The following GPC5 variants were observed in gnomAD, a reference collection of about 807,000 sequenced individuals.
The protein encoded by GPC5 is glypican 5.
In GPC5, 47 loss-of-function variants were observed where a neutral mutation model predicts 53.9. The ratio of observed to expected loss-of-function variants is 0.87; its 90% CI spans 0.69 to 1.11. GPC5 has a LOEUF of 1.11. GPC5 is among the 50% of genes most tolerant of loss of function. GPC5 has a pLI of 0.00. For synonymous variants in GPC5, 286 were observed against 263.3 expected (o/e 1.09, Z -0.84); for missense variants, 748 against 713.1 (o/e 1.05, Z -0.56).
intron 2 of GPC5, among the ~76,000 whole-genome samples, chr13:91,563,046 G>A (rs376243728): frequency 2.0e-5 from 3 of 151,672 alleles, no homozygotes; most frequent in South Asian, 2.1e-4. Flanking sequence ...TTATGCTTAG[G>A]TTTATTACTA....
chr13:91,843,058 T>C (rs1055765521), intron 5 of GPC5, among the ~76,000 whole-genome samples: 1 of 152,198 alleles, frequency 6.6e-6, no homozygotes, highest in African/African-American at 2.4e-5. Context: ...TTGAATAATC[T>C]GCCATAGCCA....
intron 7 of GPC5, among the ~76,000 whole-genome samples, chr13:92,621,259 AACCCACCCCTGATGGT>A (rs899197747): frequency 1.2e-4 from 18 of 152,100 alleles, no homozygotes; most frequent in African/African-American, 3.9e-4. Context: ...GGTCCTGGGA[AACCCACCCCTGATGGT>A]ACCCACCACA....
chr13:91,501,501 T>A (rs1423761365), intron 2 of GPC5, among the ~76,000 whole-genome samples: 1 of 152,078 alleles, frequency 6.6e-6, no homozygotes, highest in Non-Finnish European at 1.5e-5. Context: ...TGGTGTTTGG[T>A]TTTTTGTCCT....
rs1594744326 is a variant in GPC5, at chr13:92,051,460, A to G, written c.1402-93370A>G. 2.6e-5 allele frequency among the ~76,000 whole-genome samples: 4 copies of G among 152,160 alleles called. No homozygotes were observed. The East Asian group carries it at 7.8e-4, about 30-fold the overall frequency. On this transcript the variant is annotated intron_variant, in intron 6 of 7. Coordinates refer to ENST00000377067, the MANE Select transcript of GPC5 (RefSeq NM_004466.6). ...TGTGATCCATCTGCCTCAGCCTCCC[A>G]AAGTGCCGGGATTACAGGCATGAGC...
chr13:92,509,029 T>C (rs1424845194), intron 7 of GPC5, among the ~76,000 whole-genome samples: 1 of 152,128 alleles, frequency 6.6e-6, no homozygotes, highest in Admixed American at 6.5e-5. Flanking sequence ...GATAACATCC[T>C]AAAAAGAATG....
chr13:92,574,341 G>A (rs1883126924), intron 7 of GPC5, among the ~76,000 whole-genome samples: 1 of 152,012 alleles, frequency 6.6e-6, no homozygotes. Context: ...CCTATTTCTT[G>A]GACAGGGAAA....
chr13:91,657,669 T>C (rs1190059607), intron 2 of GPC5, among the ~76,000 whole-genome samples: 3 of 152,144 alleles, frequency 2.0e-5, no homozygotes, highest in East Asian at 1.9e-4. Flanking sequence ...AGTTTGGACA[T>C]TTTCAATTTG....
At chr13:92,206,120 ATTG>A (rs1280476081) in intron 7 of GPC5, among the ~76,000 whole-genome samples, 21 of 141,034 alleles carry the variant, frequency 1.5e-4, no homozygotes, top group Middle Eastern at 7.4e-3. Flanking sequence ...TGTTGTTGTT[ATTG>A]TTGTTGTTGT....
chr13:92,339,695 A>C (rs941317341), intron 7 of GPC5: 3 of 152,124 alleles, frequency 2.0e-5, no homozygotes, highest in African/African-American at 7.2e-5. Flanking sequence ...TACCAAAACC[A>C]CTGCAAATGC....
intron 7 of GPC5, among the ~76,000 whole-genome samples, chr13:92,359,542 T>C (rs1271888426): frequency 6.6e-6 from 1 of 151,660 alleles, no homozygotes; most frequent in East Asian, 1.9e-4. Context: ...CTGTATTACT[T>C]CATTATCGCA....
chr13:92,785,104 T>C (rs1876169261), intron 7 of GPC5, among the ~76,000 whole-genome samples: 1 of 151,974 alleles, frequency 6.6e-6, no homozygotes, highest in South Asian at 2.1e-4. Flanking sequence ...GATGAAACCC[T>C]GTCTCTACTT....
At chr13:92,440,150 A>G (rs538313361) in intron 7 of GPC5, among the ~76,000 whole-genome samples, 1 of 152,254 alleles carries the variant, frequency 6.6e-6, no homozygotes, top group South Asian at 2.1e-4. Flanking sequence ...GGTGCATTAC[A>G]TAAGTATATT....
chr13:91,984,073 A>G (rs1052144092), intron 6 of GPC5, among the ~76,000 whole-genome samples: 3 of 151,970 alleles, frequency 2.0e-5, no homozygotes, highest in East Asian at 3.9e-4. Flanking sequence ...CCCGAACAAC[A>G]TATTTGTCAA....
At chr13:91,445,634 C>T (rs1482982243) in intron 1 of GPC5, among the ~76,000 whole-genome samples, 1 of 152,118 alleles carries the variant, frequency 6.6e-6, no homozygotes, top group East Asian at 1.9e-4. Context: ...GCCACCATGC[C>T]CAGCTAATTT....
intron 2 of GPC5, among the ~76,000 whole-genome samples, chr13:91,628,500 G>GTCTGTCTGTCTA (rs1555331791): frequency 3.3e-3 from 495 of 151,492 alleles, no homozygotes; most frequent in African/African-American, 0.01. Flanking sequence ...CTGTCTGTCT[G>GTCTGTCTGTCTA]TCTATCTCTC....
chr13:91,647,300 G>C (rs73609951), intron 2 of GPC5, among the ~76,000 whole-genome samples: 1 of 152,142 alleles, frequency 6.6e-6, no homozygotes, highest in Non-Finnish European at 1.5e-5. Flanking sequence ...CACTGTCATC[G>C]ACAGCAGGTT....
chr13:91,571,909 T>TGTATACACAC (rs2031860764), intron 2 of GPC5, among the ~76,000 whole-genome samples: 1 of 90,740 alleles, frequency 1.1e-5, no homozygotes, highest in South Asian at 4.9e-4. Flanking sequence ...ACATATTGTA[T>TGTATACACAC]ATATACACAT....
intron 7 of GPC5, among the ~76,000 whole-genome samples, chr13:92,674,759 A>G (rs1337221094): frequency 1.3e-5 from 2 of 152,136 alleles, no homozygotes; most frequent in Non-Finnish European, 2.9e-5. Flanking sequence ...ATAAATTAGA[A>G]CTTAGAAAAG....
chr13:92,445,519 T>G (rs1005659796), intron 7 of GPC5, among the ~76,000 whole-genome samples: 6 of 131,698 alleles, frequency 4.6e-5, no homozygotes, highest in African/African-American at 1.7e-4. Context: ...CCTGTGTCCA[T>G]GTGTTCTCAT....
Sources: allele counts gnomAD v4.1 joint callset (sites outside exome capture counted in the v4.1 genomes callset), GRCh38; gene constraint gnomAD v4.1.1; transcripts MANE v1.5; gene names NCBI Gene and HGNC (gene_info 2026-07-23, HGNC 2026-07-21).